The following CADPS2 variants were observed in gnomAD, a reference collection of about 807,000 sequenced individuals.
The protein encoded by CADPS2 is calcium dependent secretion activator 2.
In CADPS2, 93 loss-of-function variants were observed where a neutral mutation model predicts 172.5. That is an observed-to-expected ratio of 0.54 (90% confidence interval 0.46 to 0.64). The LOEUF is 0.64. Ranked by LOEUF, CADPS2 falls within the 30% of genes least tolerant of loss-of-function variation. The probability of loss-of-function intolerance (pLI) is 0.00; values close to 1 mark genes in which losing one functional copy is unlikely to be tolerated. For missense variants in CADPS2, 1,420 were observed against 1,565.9 expected, an observed-to-expected ratio of 0.91 and a Z score of 1.57; for synonymous variants, 546 against 555.2, an observed-to-expected ratio of 0.98 and a Z score of 0.23.
At chr7:122,645,629 TCTCTA>T (rs1366305133) in intron 3 of CADPS2, among the ~76,000 whole-genome samples, 31 of 123,308 alleles carry the variant, frequency 2.5e-4, no homozygotes, top group African/African-American at 7.4e-4. Context: ...GATACATATA[TCTCTA>T]CTCTAAGATA....
chr7:122,409,655 T>A (rs1166265340), intron 19 of CADPS2: 1 of 471,016 alleles, frequency 2.1e-6, no homozygotes, highest in African/African-American at 2.0e-5. Flanking sequence ...CTTTAAGCAA[T>A]CACTGTCTTT....
At chr7:122,379,219 T>C (rs905839845) in intron 25 of CADPS2, 149 bp downstream of exon 25, 1 of 516,736 alleles carries the variant, frequency 1.9e-6, no homozygotes, top group African/African-American at 1.9e-5. Flanking sequence ...AACCTTTTTT[T>C]GCTCCCAACT....
At chr7:122,840,800 T>G (rs1256450754) in intron 1 of CADPS2, among the ~76,000 whole-genome samples, 1 of 152,032 alleles carries the variant, frequency 6.6e-6, no homozygotes, top group Non-Finnish European at 1.5e-5. Flanking sequence ...TTTTTGAATG[T>G]GATATGAAAC....
At chr7:122,807,481 T>C (rs756612421) in intron 1 of CADPS2, among the ~76,000 whole-genome samples, 2 of 152,176 alleles carry the variant, frequency 1.3e-5, no homozygotes, top group Admixed American at 6.5e-5. Context: ...TGACATCCAA[T>C]AGGCCACAAT....
intron 17 of CADPS2, among the ~76,000 whole-genome samples, chr7:122,418,746 C>T (rs1296487334): frequency 6.6e-6 from 1 of 152,090 alleles, no homozygotes. Context: ...GTTTGGAGAC[C>T]TCATGGCTCA....
chr7:122,841,412 C>A (rs1323113150), intron 1 of CADPS2, among the ~76,000 whole-genome samples: 1 of 152,080 alleles, frequency 6.6e-6, no homozygotes, highest in African/African-American at 2.4e-5. Context: ...TTAGATATCA[C>A]CAAGCCAAAA....
intron 1 of CADPS2, among the ~76,000 whole-genome samples, chr7:122,857,421 A>G (rs951488074): frequency 1.3e-5 from 2 of 152,202 alleles, no homozygotes; most frequent in Non-Finnish European, 2.9e-5. Context: ...ATTCAGGTTG[A>G]GTTACATATT....
intron 1 of CADPS2, among the ~76,000 whole-genome samples, chr7:122,812,958 T>A (rs79578012): frequency 0.011 from 1,694 of 152,268 alleles, 23 homozygotes; most frequent in Non-Finnish European, 0.014. Context: ...TATGGGCTGT[T>A]TGCCAATTGG....
chr7:122,413,678 A>G (rs2047568570), intron 19 of CADPS2, among the ~76,000 whole-genome samples: 1 of 152,210 alleles, frequency 6.6e-6, no homozygotes, highest in African/African-American at 2.4e-5. Flanking sequence ...GTATCAGTGC[A>G]GAATGCAGTC....
chr7:122,469,776 T>C (rs964327059), intron 14 of CADPS2, among the ~76,000 whole-genome samples: 1 of 145,634 alleles, frequency 6.9e-6, no homozygotes, highest in South Asian at 2.2e-4. Flanking sequence ...TGAGAACTGA[T>C]TTTTGCCTTT....
At chr7:122,847,173 G>C (rs774267287) in intron 1 of CADPS2, among the ~76,000 whole-genome samples, 1 of 152,028 alleles carries the variant, frequency 6.6e-6, no homozygotes, top group East Asian at 1.9e-4. Context: ...TGCAACCTCC[G>C]CCTCCTGGGT....
At chr7:122,431,266 G>C (rs2049873122) in intron 17 of CADPS2, among the ~76,000 whole-genome samples, 1 of 152,120 alleles carries the variant, frequency 6.6e-6, no homozygotes, top group African/African-American at 2.4e-5. Flanking sequence ...ATATGTGCTG[G>C]GCACATCTCT....
At chr7:122,719,547 C>A (rs1044488766) in intron 2 of CADPS2, among the ~76,000 whole-genome samples, 1 of 152,160 alleles carries the variant, frequency 6.6e-6, no homozygotes, top group African/African-American at 2.4e-5. Context: ...TCCTAACATG[C>A]ACGAGCAGAG....
At chr7:122,685,781 T>C (rs67759336) in intron 2 of CADPS2, among the ~76,000 whole-genome samples, 10,114 of 152,250 alleles carry the variant, frequency 0.066, 384 homozygotes, top group South Asian at 0.17. Flanking sequence ...GCAATCAATA[T>C]TTGTTGAATG....
intron 14 of CADPS2, among the ~76,000 whole-genome samples, chr7:122,462,345 T>G (rs1450929591): frequency 6.7e-6 from 1 of 149,836 alleles, no homozygotes; most frequent in Non-Finnish European, 1.5e-5. Context: ...CAAATGTAAT[T>G]GTTGGAAAAT....
chr7:122,413,353 T>A (rs893703219), intron 19 of CADPS2, among the ~76,000 whole-genome samples: 7 of 152,174 alleles, frequency 4.6e-5, no homozygotes, highest in African/African-American at 1.7e-4. Context: ...AACACAGGAA[T>A]TCTGCAGAAA....
chr7:122,767,048 T>C (rs775439770), intron 1 of CADPS2, among the ~76,000 whole-genome samples: 12 of 152,180 alleles, frequency 7.9e-5, no homozygotes, highest in Non-Finnish European at 1.3e-4. Flanking sequence ...AATCATTGTA[T>C]CCTAAAACAA....
chr7:122,753,547 G>A (rs569668641), intron 1 of CADPS2, among the ~76,000 whole-genome samples: 1 of 152,190 alleles, frequency 6.6e-6, no homozygotes, highest in South Asian at 2.1e-4. Flanking sequence ...CTTAAATAAT[G>A]GTTTAGTGAT....
chr7:122,548,563 T>C (rs1235441131), intron 8 of CADPS2, among the ~76,000 whole-genome samples: 3 of 152,176 alleles, frequency 2.0e-5, no homozygotes, highest in Non-Finnish European at 4.4e-5. Flanking sequence ...GGTAGAGCTA[T>C]ATGGATCAAA....
Sources: allele counts gnomAD v4.1 joint callset (sites outside exome capture counted in the v4.1 genomes callset), GRCh38; gene constraint gnomAD v4.1.1; transcripts MANE v1.5; gene names NCBI Gene and HGNC (gene_info 2026-07-23, HGNC 2026-07-21).